The following CYBB variants were observed in gnomAD, a reference collection of about 807,000 sequenced individuals.
CYBB encodes the protein cytochrome b-245 beta chain.
A neutral mutation model predicts 46.5 loss-of-function variants in CYBB; 5 were observed. The ratio of observed to expected loss-of-function variants is 0.11; its 90% confidence interval spans 0.06 to 0.23. The LOEUF (loss-of-function observed/expected upper bound fraction) is 0.23. Among genes scored for constraint, CYBB ranks in the 10% least tolerant of loss-of-function variants. The pLI, the probability that CYBB is intolerant of heterozygous loss-of-function variation, is 1.00. For synonymous variants in CYBB, 183 were observed against 156.7 expected (o/e 1.17, Z -1.26); for missense variants, 307 against 428.3 (o/e 0.72, Z 2.50).
chrX:37,793,947 C>T (rs1408845729), intron 5 of CYBB, 137 bp downstream of exon 5: 8 of 537,819 alleles, frequency 1.5e-5, no homozygotes, highest in Non-Finnish European at 2.5e-5. Context: ...CTGTAGGTTA[C>T]AATAATGGGA....
intron 6 of CYBB, among the ~76,000 whole-genome samples, chrX:37,796,577 T>C (rs1556468522): frequency 8.9e-6 from 1 of 111,846 alleles, no homozygotes; most frequent in Admixed American, 9.5e-5. Context: ...AGTCATTTAT[T>C]TGTTGTCTAC....
intron 12 of CYBB, among the ~76,000 whole-genome samples, chrX:37,810,533 T>C (rs922137179): frequency 1.8e-5 from 2 of 112,363 alleles, no homozygotes; most frequent in Non-Finnish European, 3.8e-5. Flanking sequence ...TTCTCTGTGA[T>C]AGAAGTTTCC....
intron 2 of CYBB, 79 bp downstream of exon 2, chrX:37,782,262 C>A: frequency 1.4e-6 from 1 of 703,278 alleles, no homozygotes; most frequent in Non-Finnish European, 2.3e-6. Context: ...TTCCTGTTAG[C>A]ATTTTAAATA....
At chrX:37,793,083 C>T in intron 4 of CYBB, among the ~76,000 whole-genome samples, 1 of 104,866 alleles carries the variant, frequency 9.5e-6, no homozygotes, top group Non-Finnish European at 2.0e-5. Context: ...TTGTGAAGTA[C>T]TTATAACAGT....
chrX:37,793,221 G>C (rs782229572), intron 4 of CYBB, among the ~76,000 whole-genome samples: 1 of 108,093 alleles, frequency 9.3e-6, no homozygotes, highest in Non-Finnish European at 1.9e-5. Flanking sequence ...TCTCTCTGGA[G>C]GTAATTTCAG....
At chrX:37,787,036 A>G (rs1929086087) in intron 3 of CYBB, among the ~76,000 whole-genome samples, 1 of 111,932 alleles carries the variant, frequency 8.9e-6, no homozygotes, top group African/African-American at 3.2e-5. Context: ...GTTGAGTGCC[A>G]TTTATGTGCT....
At position 37,805,158 on chromosome X, in the gene CYBB, A is replaced by G. The variant is rs782451144; in HGVS notation, c.1304A>G (p.Lys435Arg). Residue 435 changes from lysine (K) to arginine (R), a missense_variant, in exon 10 of 13, where the codon AAG becomes AGG. Physicochemically the swap from Lys to Arg is conservative, Grantham distance 26 (BLOSUM62 2). This residue lies in a region of CYBB where 122 missense variants were observed against 208.3 expected (regional missense o/e 0.59). Transcript: ENST00000378588. ...YKYCNNATNLKLKKIYFYWLC... is the reference protein window; with the variant it reads ...YKYCNNATNLRLKKIYFYWLC... Reference sequence around the variant, plus strand: ...TATTGCAATAACGCCACCAATCTGAAGCTCAAAAAGGTAAGTCCTTTCATT... The same window carrying G: ...TATTGCAATAACGCCACCAATCTGAGGCTCAAAAAGGTAAGTCCTTTCATT... 3 of 1,210,945 alleles carry G rather than the reference A, an allele frequency of 2.5e-6. No homozygotes were observed. Among genetic ancestry groups the G allele is most frequent in the South Asian group, 1.8e-5 (1 of 56,977 alleles).
intron 10 of CYBB, 69 bp from the exon 11 acceptor site, chrX:37,806,318 G>A: frequency 9.0e-7 from 1 of 1,111,081 alleles, no homozygotes; most frequent in Non-Finnish European, 1.2e-6. Flanking sequence ...ACAGAAAGTG[G>A]AATTCCACAT....
chrX:37,807,714 A>T (rs1929592175), intron 11 of CYBB, among the ~76,000 whole-genome samples: 1 of 111,137 alleles, frequency 9.0e-6, no homozygotes, highest in South Asian at 3.7e-4. Context: ...AATGAATGTG[A>T]TATATATGCA....
At chrX:37,806,622 A>G in intron 11 of CYBB, 89 bp downstream of exon 11, 1 of 893,756 alleles carries the variant, frequency 1.1e-6, no homozygotes, top group Non-Finnish European at 1.6e-6. Flanking sequence ...CTTGTGTACT[A>G]TTTTTTCTAA....
chrX:37,809,120 T>C (rs1307767082), intron 11 of CYBB, among the ~76,000 whole-genome samples: 1 of 112,443 alleles, frequency 8.9e-6, no homozygotes, highest in Non-Finnish European at 1.9e-5. Flanking sequence ...TATTGCTGCA[T>C]TTTAGTCTAA....
chrX:37,789,416 C>T (rs1929142734), intron 3 of CYBB, among the ~76,000 whole-genome samples: 1 of 107,036 alleles, frequency 9.3e-6, no homozygotes, highest in African/African-American at 3.4e-5. Flanking sequence ...ACCACAAGGA[C>T]TCTCAGAAAC....
intron 12 of CYBB, among the ~76,000 whole-genome samples, chrX:37,810,221 C>T (rs1337778036): frequency 8.9e-6 from 1 of 111,868 alleles, no homozygotes; most frequent in Non-Finnish European, 1.9e-5. Flanking sequence ...CATACGTGTA[C>T]CCTTCAGACT....
At position 37,784,362 on chromosome X, in the gene CYBB, T is replaced by A. The variant is rs1288100523; in HGVS notation, c.252+762T>A. Among the ~76,000 whole-genome samples the A allele has an allele frequency of 2.7e-5, 3 of 111,113 alleles. No homozygotes were observed. In the East Asian group the frequency reaches 8.4e-4, roughly 31 times the overall value. On this transcript the variant is annotated intron_variant, in intron 3 of 12. Coordinates refer to ENST00000378588, the MANE Select transcript of CYBB (RefSeq NM_000397.4). ...ATACTATGGGGAAGCAAGAGAGAAG[T>A]TGTGTCAGGTGGGGCAGAGAATGAA...
At position 37,796,137 on chromosome X, in the gene CYBB, G is replaced by T; in HGVS notation, c.670G>T (p.Ala224Ser). 8.3e-7 allele frequency: 1 copy of T among 1,202,712 alleles called. No individual in the cohort carries two copies. The highest frequency in any genetic ancestry group is 1.1e-6 in the Non-Finnish European group (1 of 887,513). Reference protein sequence around the residue: ...IFFIGLAIHGAERIVRGQTAE... With the variant: ...IFFIGLAIHGSERIVRGQTAE... Reference sequence around the variant, plus strand: ...CTTCATTGGCCTTGCCATCCATGGAGCTGAGTGAGTGTTTAAATTCTGAAG... The same window carrying T: ...CTTCATTGGCCTTGCCATCCATGGATCTGAGTGAGTGTTTAAATTCTGAAG... The change falls in exon 6 of 13, where the codon GCT (alanine) becomes TCT (serine). Residue 224 changes from alanine to serine, a missense_variant. By Grantham distance (99) the Ala-to-Ser change is moderately conservative. This residue lies in a region of CYBB where 82 missense variants were observed against 69.9 expected (regional missense o/e 1.17). Coordinates refer to ENST00000378588, the MANE Select transcript of CYBB (RefSeq NM_000397.4).
intron 9 of CYBB, 21 bp downstream of exon 9, chrX:37,804,151 A>C: frequency 1.7e-6 from 2 of 1,204,961 alleles, no homozygotes; most frequent in Non-Finnish European, 2.2e-6. Flanking sequence ...AGTACATATT[A>C]CCAACGTATA....
intron 6 of CYBB, chrX:37,798,085 T>G (rs782001306): frequency 1.8e-5 from 2 of 112,096 alleles, no homozygotes; most frequent in African/African-American, 6.5e-5. Flanking sequence ...AATTAAAACA[T>G]TCTCAGAATA....
chrX:37,796,176 G>A, intron 6 of CYBB, 35 bp downstream of exon 6: 1 of 1,132,232 alleles, frequency 8.8e-7, no homozygotes, highest in Non-Finnish European at 1.2e-6. Flanking sequence ...AGGATTTCAT[G>A]TCCCTCAATT....
chrX:37,803,973 G>A lies in CYBB; in HGVS notation c.994G>A (p.Val332Met). The change falls in exon 9 of 13, where the codon GTG becomes ATG. Residue 332 changes from valine (V) to methionine (M), a missense_variant. Physicochemically the swap from Val to Met is conservative, Grantham distance 21. Coordinates refer to ENST00000378588, the MANE Select transcript of CYBB (RefSeq NM_000397.4). The stretch of plus-strand genomic sequence containing the variant: ...ATACATTTTTGTCAAGTGCCCAAAG[G>A]TGTCCAAGCTGGAGTGGCACCCTTT... ...GQYIFVKCPK[V>M]SKLEWHPFTL... The A allele has an allele frequency of 8.3e-7, 1 of 1,211,214 alleles. No homozygotes were observed. The highest frequency in any genetic ancestry group is 1.1e-6 in the Non-Finnish European group (1 of 895,217).
Sources: allele counts gnomAD v4.1 joint callset (sites outside exome capture counted in the v4.1 genomes callset), GRCh38; gene constraint gnomAD v4.1.1; regional missense constraint gnomAD v4.1.1; transcripts MANE v1.5; gene names NCBI Gene and HGNC (gene_info 2026-07-23, HGNC 2026-07-21).